The following THSD7A variants were observed in gnomAD, a reference collection of about 807,000 sequenced individuals.
THSD7A encodes the protein thrombospondin type-1 domain-containing protein 7A.
A neutral mutation model predicts 231.3 loss-of-function variants in THSD7A; 96 were observed. That is an observed-to-expected ratio of 0.41 (90% CI 0.35 to 0.49). THSD7A has a LOEUF of 0.49. THSD7A is among the 20% of genes least tolerant of loss of function. The pLI is 0.05. For synonymous variants in THSD7A, 940 were observed against 743.3 expected (o/e 1.26, Z -4.30); for missense variants, 2,290 against 2,070.2 (o/e 1.11, Z -2.06).
At chr7:11,635,952 A>G (rs2526103) in intron 2 of THSD7A, among the ~76,000 whole-genome samples, 178 bp downstream of exon 2, 52,117 of 151,768 alleles carry the variant, frequency 0.34, 9,792 homozygotes, top group African/African-American at 0.49. Flanking sequence ...CTAAATGTGG[A>G]CACAATAGAA....
intron 4 of THSD7A, among the ~76,000 whole-genome samples, chr7:11,588,431 T>C (rs922775955): frequency 6.6e-6 from 1 of 152,202 alleles, no homozygotes; most frequent in Non-Finnish European, 1.5e-5. Context: ...ACTCCTAAAT[T>C]ATTCATGTTA....
chr7:11,541,921 G>A (rs116055113), intron 5 of THSD7A, among the ~76,000 whole-genome samples: 1 of 134,374 alleles, frequency 7.4e-6, no homozygotes, highest in Non-Finnish European at 1.6e-5. Flanking sequence ...CCCTTGTAGG[G>A]CGTAGAGGAG....
chr7:11,407,673 C>T (rs1268145146), intron 19 of THSD7A, among the ~76,000 whole-genome samples: 1 of 152,070 alleles, frequency 6.6e-6, no homozygotes, highest in Non-Finnish European at 1.5e-5. Flanking sequence ...TAAGTGTTTT[C>T]AATAAGCAAT....
At chr7:11,537,645 T>C (rs1417134885) in intron 6 of THSD7A, among the ~76,000 whole-genome samples, 1 of 146,806 alleles carries the variant, frequency 6.8e-6, no homozygotes, top group Non-Finnish European at 1.5e-5. Context: ...CCATGCTTCC[T>C]GTACAGCCTG....
intron 6 of THSD7A, among the ~76,000 whole-genome samples, chr7:11,531,676 T>C (rs1046400706): frequency 6.6e-6 from 1 of 152,190 alleles, no homozygotes; most frequent in Non-Finnish European, 1.5e-5. Context: ...GAATAAATTG[T>C]AGTGTTGTGA....
At chr7:11,418,113 T>C (rs1021814216) in intron 16 of THSD7A, among the ~76,000 whole-genome samples, 2 of 152,222 alleles carry the variant, frequency 1.3e-5, no homozygotes, top group Non-Finnish European at 2.9e-5. Context: ...GAGATTTCAT[T>C]GAGTGTTTTT....
intron 1 of THSD7A, among the ~76,000 whole-genome samples, chr7:11,733,490 G>C (rs925206781): frequency 1.3e-5 from 2 of 151,816 alleles, no homozygotes; most frequent in African/African-American, 4.8e-5. Flanking sequence ...AACTTTATCT[G>C]ATCCTTTATA....
Position 11,541,688 on chromosome 7 carries a change from A to G in THSD7A, c.1610-57T>C, listed in dbSNP as rs1583937139. 2.0e-6 allele frequency: 3 copies of G among 1,492,836 alleles called. No homozygotes were observed. The East Asian group carries it at 7.0e-5, about 35-fold the overall frequency. 92.5% of individuals were successfully genotyped at this position (1,492,836 alleles called of 1,614,324 possible). On this transcript the variant is annotated intron_variant, in intron 5 of 27. Transcript: ENST00000423059. Reference sequence around the variant, plus strand: ...TACTATCAAAGGTTTAGTATTTCAGAAAGTTGAATAAAACCTCAGAGTAAA... The same window carrying G: ...TACTATCAAAGGTTTAGTATTTCAGGAAGTTGAATAAAACCTCAGAGTAAA...
intron 27 of THSD7A, 93 bp from the exon 28 acceptor site, chr7:11,375,971 A>T (rs2115282123): frequency 8.3e-7 from 1 of 1,203,248 alleles, no homozygotes; most frequent in East Asian, 2.3e-5. Context: ...GCAAATTGAT[A>T]AACTGAAATT....
chr7:11,624,175 ATGCCTCCATTGCTGCTACTTTGATCCAG>A, intron 2 of THSD7A, among the ~76,000 whole-genome samples: 1 of 152,180 alleles, frequency 6.6e-6, no homozygotes, highest in African/African-American at 2.4e-5. Context: ...TGTGGTCTCA[ATGCCTCCATTGCTGCTACTTTGATCCAG>A]GGCTTCCTCA....
intron 16 of THSD7A, among the ~76,000 whole-genome samples, chr7:11,420,936 G>C (rs951104279): frequency 1.3e-5 from 2 of 152,144 alleles, no homozygotes; most frequent in Non-Finnish European, 1.5e-5. Context: ...GGGGCCTGTA[G>C]CCACTTTGTT....
At chr7:11,559,970 A>G (rs1181120824) in intron 4 of THSD7A, among the ~76,000 whole-genome samples, 1 of 152,200 alleles carries the variant, frequency 6.6e-6, no homozygotes, top group African/African-American at 2.4e-5. Flanking sequence ...AGAGATATTT[A>G]TAAGAATGGT....
intron 1 of THSD7A, among the ~76,000 whole-genome samples, chr7:11,744,280 G>A (rs1366328553): frequency 6.6e-6 from 1 of 151,724 alleles, no homozygotes; most frequent in Non-Finnish European, 1.5e-5. Context: ...ACTGACTGAT[G>A]TACCAAATCG....
intron 10 of THSD7A, among the ~76,000 whole-genome samples, chr7:11,461,755 T>G (rs1785512283): frequency 6.6e-6 from 1 of 152,202 alleles, no homozygotes; most frequent in Non-Finnish European, 1.5e-5. Context: ...TATATCAACA[T>G]AAGACATTTC....
At chr7:11,804,044 T>C (rs1407234821) in intron 1 of THSD7A, among the ~76,000 whole-genome samples, 5 of 152,176 alleles carry the variant, frequency 3.3e-5, no homozygotes. Context: ...TTAGAAGTAA[T>C]GGATGTTATT....
At chr7:11,605,328 G>C (rs1055126658) in intron 2 of THSD7A, among the ~76,000 whole-genome samples, 8 of 152,040 alleles carry the variant, frequency 5.3e-5, no homozygotes, top group Non-Finnish European at 1.2e-4. Context: ...TCTAATCCAG[G>C]GAAAGTCATG....
intron 6 of THSD7A, among the ~76,000 whole-genome samples, chr7:11,528,582 A>G (rs1175040730): frequency 6.6e-6 from 1 of 152,214 alleles, no homozygotes; most frequent in Admixed American, 6.6e-5. Context: ...CTATAATTTT[A>G]TATCAATTCA....
intron 25 of THSD7A, 40 bp downstream of exon 25, chr7:11,379,590 G>A: frequency 6.6e-7 from 1 of 1,519,688 alleles, no homozygotes; most frequent in East Asian, 2.4e-5. Flanking sequence ...GGTGACACAT[G>A]ATGGAGCTGG....
In THSD7A at chr7:11,494,435, A is replaced by G. The variant is rs529779857; in HGVS notation, c.1823-12453T>C. On this transcript the variant is annotated intron_variant, in intron 6 of 27. Transcript: ENST00000423059. ...AACTAGAGACTCAAACCTCTCCCCAATCTAAATCAGCCTATGACTAAAGTT... is the reference window on the plus strand; with the variant it reads ...AACTAGAGACTCAAACCTCTCCCCAGTCTAAATCAGCCTATGACTAAAGTT... Among the ~76,000 whole-genome samples, 8 of 152,120 alleles carry G rather than the reference A, an allele frequency of 5.3e-5. No individual in the cohort carries two copies. The East Asian group carries it at 5.8e-4, about 11-fold the overall frequency.
Sources: allele counts gnomAD v4.1 joint callset (sites outside exome capture counted in the v4.1 genomes callset), GRCh38; gene constraint gnomAD v4.1.1; transcripts MANE v1.5; gene names NCBI Gene and HGNC (gene_info 2026-07-23, HGNC 2026-07-21).